The following FGFR2 variants were observed in gnomAD, a reference collection of about 807,000 sequenced individuals.
FGFR2 encodes BEK fibroblast growth factor receptor.
A neutral mutation model predicts 95.9 loss-of-function variants in FGFR2; 19 were observed. The observed-to-expected ratio is 0.20, with a 90% CI of 0.14 to 0.29. FGFR2 has a LOEUF of 0.29. Among genes scored for constraint, FGFR2 ranks in the 10% least tolerant of loss-of-function variants. The pLI is 1.00. For missense variants in FGFR2, 707 were observed against 1,056.9 expected (o/e 0.67, Z 4.59); for synonymous variants, 392 against 393.3 (o/e 1.00, Z 0.04).
chr10:121,491,355 G>A (rs1386738700), intron 13 of FGFR2, among the ~76,000 whole-genome samples: 1 of 152,096 alleles, frequency 6.6e-6, no homozygotes, highest in Non-Finnish European at 1.5e-5. Flanking sequence ...CCGTTCTCCA[G>A]CACAGGGAGC....
intron 1 of FGFR2, among the ~76,000 whole-genome samples, chr10:121,595,344 G>A (rs1863262077): frequency 6.6e-6 from 1 of 152,186 alleles, no homozygotes; most frequent in African/African-American, 2.4e-5. Context: ...CATTTCCAAA[G>A]GAGGAATAAA....
intron 4 of FGFR2, among the ~76,000 whole-genome samples, chr10:121,563,252 T>C (rs1425100676): frequency 6.6e-6 from 1 of 152,152 alleles, no homozygotes; most frequent in African/African-American, 2.4e-5. Context: ...CAGGCCCCTG[T>C]AGTCCTAGTT....
At position 121,489,100 on chromosome 10, in the gene FGFR2, C is replaced by A. The variant is rs1269615706; in HGVS notation, c.1864-987G>T. On this transcript the variant is annotated intron_variant, in intron 13 of 17. Coordinates refer to ENST00000358487, the MANE Select transcript of FGFR2 (RefSeq NM_000141.5). ...TGTTTTTTTTGTTTTAACATGGAGT[C>A]TTGTCCTTGTCGCCCAGGCTGGAGT... is the stretch of plus-strand genomic sequence containing the variant. 2.0e-5 allele frequency among the ~76,000 whole-genome samples: 3 copies of A among 151,916 alleles called. No individual in the cohort carries two copies. In the East Asian group the frequency reaches 5.8e-4, roughly 29 times the overall value.
chr10:121,564,394 C>T, intron 4 of FGFR2, 108 bp downstream of exon 4: 2 of 1,038,776 alleles, frequency 1.9e-6, no homozygotes, highest in Non-Finnish European at 3.0e-6. Context: ...AAGGCAAGGG[C>T]CGCGGGACAC....
At chr10:121,513,683 C>T (rs573361627) in intron 9 of FGFR2, among the ~76,000 whole-genome samples, 2 of 152,242 alleles carry the variant, frequency 1.3e-5, no homozygotes, top group Middle Eastern at 3.4e-3. Flanking sequence ...ATAATCATGT[C>T]ACTCAAAATG....
At chr10:121,519,444 T>C (rs1488644948) in intron 7 of FGFR2, among the ~76,000 whole-genome samples, 1 of 152,200 alleles carries the variant, frequency 6.6e-6, no homozygotes, top group Non-Finnish European at 1.5e-5. Context: ...TCTGAATGGA[T>C]TTCAAAGGTC....
chr10:121,538,808 G>A (rs2134614407), intron 5 of FGFR2, 93 bp from the exon 6 acceptor site: 1 of 1,542,230 alleles, frequency 6.5e-7, no homozygotes, highest in Non-Finnish European at 8.9e-7. Flanking sequence ...GCTGAAGGAG[G>A]CAAGAAAGGT....
In FGFR2 at chr10:121,500,857, C is replaced by T. The variant is rs759906958; in HGVS notation, c.1530G>A (p.Glu510=). The change falls in exon 11 of 18, where the codon GAG becomes GAA. Residue 510 remains glutamate (E), a synonymous_variant. Coordinates refer to ENST00000358487, the MANE Select transcript of FGFR2 (RefSeq NM_000141.5). ...AVGIDKDKPK[E]AVTVAVKMLK... ...ACATCTTCACGGCCACGGTGACCGC[C>T]TCCTTGGGCTTGTCTTTGTCAATTC... The T allele has an allele frequency of 1.9e-5, 30 of 1,614,100 alleles. No individual in the cohort carries two copies. The highest frequency in any genetic ancestry group is 2.5e-5 in the Non-Finnish European group (30 of 1,180,056).
At chr10:121,526,847 G>A (rs1851436789) in intron 6 of FGFR2, 1 of 398,328 alleles carries the variant, frequency 2.5e-6, no homozygotes, top group South Asian at 1.3e-4. Flanking sequence ...GGTCACCCAG[G>A]TGTCCGCATC....
chr10:121,486,598 C>A (rs1395790674), intron 15 of FGFR2, among the ~76,000 whole-genome samples: 1 of 152,280 alleles, frequency 6.6e-6, no homozygotes, highest in South Asian at 2.1e-4. Flanking sequence ...CGCATAACTA[C>A]GCCCAGCTAA....
At chr10:121,487,597 G>A (rs899084946) in intron 14 of FGFR2, among the ~76,000 whole-genome samples, 173 bp from the exon 15 acceptor site, 2 of 152,212 alleles carry the variant, frequency 1.3e-5, no homozygotes, top group East Asian at 1.9e-4. Context: ...AGATGCACAG[G>A]TCTGGGCCGT....
At chr10:121,530,717 C>G (rs530474272) in intron 6 of FGFR2, among the ~76,000 whole-genome samples, 3 of 152,322 alleles carry the variant, frequency 2.0e-5, no homozygotes, top group African/African-American at 4.8e-5. Flanking sequence ...TAATTTCTTG[C>G]TTCAGAATTT....
chr10:121,484,579 C>A (rs888307710), intron 16 of FGFR2, among the ~76,000 whole-genome samples: 1 of 152,202 alleles, frequency 6.6e-6, no homozygotes, highest in Admixed American at 6.5e-5. Flanking sequence ...CAATAGACCG[C>A]AGTTTCTGGG....
At chr10:121,558,393 G>A (rs1372319871) in intron 4 of FGFR2, among the ~76,000 whole-genome samples, 1 of 152,154 alleles carries the variant, frequency 6.6e-6, no homozygotes, top group Non-Finnish European at 1.5e-5. Flanking sequence ...TTATTTCCTG[G>A]CAACCAGGCT....
At chr10:121,488,540 CAAAAAAA>C (rs60596436) in intron 13 of FGFR2, among the ~76,000 whole-genome samples, 3 of 103,076 alleles carry the variant, frequency 2.9e-5, no homozygotes, top group East Asian at 2.6e-4. Flanking sequence ...GACTCTGTCT[CAAAAAAA>C]AAAAAAAAAA....
intron 3 of FGFR2, among the ~76,000 whole-genome samples, chr10:121,565,045 G>A (rs751185224): frequency 6.6e-6 from 1 of 152,040 alleles, no homozygotes; most frequent in Non-Finnish European, 1.5e-5. Flanking sequence ...GCCACAAAGG[G>A]GGCCTGTTCT....
intron 4 of FGFR2, among the ~76,000 whole-genome samples, chr10:121,563,031 G>A (rs1040164468): frequency 6.6e-6 from 1 of 152,142 alleles, no homozygotes; most frequent in Non-Finnish European, 1.5e-5. Context: ...CTTGAGGTCA[G>A]GAGTTCAAGA....
In FGFR2 at chr10:121,517,144, C is replaced by A; in HGVS notation, c.1084+175G>T. On this transcript the variant is annotated intron_variant, in intron 8 of 17. Transcript: ENST00000358487. The surrounding 1 kb of genome is among the most constrained non-coding windows in gnomAD (Gnocchi z 4.7). ...GATCATAAATGTGAGTGTGGGATCT[C>A]ACTGTGTGTGAATTTCCAAGGCAGT... is the stretch of plus-strand genomic sequence containing the variant. 1.4e-6 allele frequency: 1 copy of A among 717,918 alleles called. No homozygotes were observed. 44.5% of individuals were successfully genotyped at this position (717,918 alleles called of 1,614,324 possible).
chr10:121,529,899 C>A (rs1851874523), intron 6 of FGFR2, among the ~76,000 whole-genome samples: 1 of 152,180 alleles, frequency 6.6e-6, no homozygotes, highest in Admixed American at 6.5e-5. Context: ...TGCAACTCAG[C>A]AAATACACAA....
Sources: gnomAD v4.1 joint callset for allele counts (sites outside exome capture counted in the v4.1 genomes callset) on GRCh38, gnomAD v4.1.1 for gene constraint, Gnocchi (gnomAD v3.1) non-coding constraint, MANE v1.5 for transcripts, NCBI Gene and HGNC (gene_info 2026-07-23, HGNC 2026-07-21) for gene names.